The following PEX26 variants were observed in gnomAD, a reference collection of about 807,000 sequenced individuals.
The protein encoded by PEX26 is peroxisomal biogenesis factor 26, also known as peroxisome assembly protein 26.
In PEX26, 18 loss-of-function variants were observed where a neutral mutation model predicts 31.4. That is an observed-to-expected ratio of 0.57 (90% CI 0.40 to 0.85). The LOEUF is 0.85. Among genes scored for constraint, PEX26 ranks in the 40% least tolerant of loss-of-function variants. The pLI is 0.00. For missense variants in PEX26, 377 were observed against 383.9 expected (o/e 0.98, Z 0.15); for synonymous variants, 176 against 166.9 (o/e 1.05, Z -0.42).
Position 18,088,082 on chromosome 22 carries a change from C to T in PEX26, c.*7C>T. ...GCTCCGCATCCGTGACTGAGGGTCC[C>T]TGCGCACCACAGCCTCTCTGCTCCT... On this transcript the variant is annotated 3_prime_UTR_variant, in exon 5 of 5. Coordinates refer to ENST00000399744, the MANE Select transcript of PEX26 (RefSeq NM_001127649.3). This position sits in a 1 kb window ranked among gnomAD's most constrained non-coding sequence, Gnocchi z 4.1. 1 of 1,569,242 alleles carries T rather than the reference C, an allele frequency of 6.4e-7. No homozygotes were observed. Among genetic ancestry groups the T allele is most frequent in the Middle Eastern group, 1.7e-4 (1 of 5,974 alleles).
In PEX26 at chr22:18,103,607, CAGAAG is replaced by C. The variant is rs1199454007; in HGVS notation, c.*15538_*15542del. ...ACAACATCAAATTCTGTATCAGAGG[CAGAAG>C]AGAAGGACAGCATGAAGCTCGATTC... On this transcript the variant is annotated 3_prime_UTR_variant, in exon 5 of 5. Coordinates refer to ENST00000399744, the MANE Select transcript of PEX26 (RefSeq NM_001127649.3). The C allele has an allele frequency of 6.6e-6, 1 of 152,286 alleles. No homozygotes were observed. Among genetic ancestry groups the C allele is most frequent in the Non-Finnish European group, 1.5e-5 (1 of 68,110 alleles). The allele number at this position is 152,286 out of a possible 1,614,324, so 9.4% of individuals were successfully genotyped here.
chr22:18,090,302 T>C lies in PEX26; in HGVS notation c.*2227T>C, dbSNP rs946029647. 3 of 152,230 alleles carry C rather than the reference T, an allele frequency of 2.0e-5. No individual in the cohort carries two copies. Among genetic ancestry groups the C allele is most frequent in the African/African-American group, 7.2e-5 (3 of 41,462 alleles). 9.4% of individuals were successfully genotyped at this position (152,230 alleles called of 1,614,324 possible). ...TTCTTCATGGAATTGAAGGCCCCTA[T>C]GTGCTGGTTTTGGCTAAGATCTCCC... is the stretch of plus-strand genomic sequence containing the variant. On this transcript the variant is annotated 3_prime_UTR_variant, in exon 5 of 5. Coordinates refer to ENST00000399744, the MANE Select transcript of PEX26 (RefSeq NM_001127649.3).
At position 18,083,660 on chromosome 22, in the gene PEX26, A is replaced by G. The variant is rs1370763456; in HGVS notation, c.595A>G (p.Ile199Val). ...GCGGCGACTGGATGTACTTCAGGCC[A>G]TTCACACAGCGAGGCAGCAGCAGAA... ...EERRLDVLQA[I>V]HTARQQQKQE... The change falls in exon 3 of 5, where the codon ATT becomes GTT. Residue 199 changes from isoleucine to valine, a missense_variant. Transcript: ENST00000399744. 3 of 1,614,036 alleles carry G rather than the reference A, an allele frequency of 1.9e-6. No individual in the cohort carries two copies. Among genetic ancestry groups the G allele is most frequent in the Non-Finnish European group, 2.5e-6 (3 of 1,180,058 alleles).
intron 3 of PEX26, 98 bp from the exon 4 acceptor site, chr22:18,085,014 C>T: frequency 1.5e-6 from 2 of 1,344,960 alleles, no homozygotes; most frequent in African/African-American, 1.4e-5. Context: ...AGCCACTGCG[C>T]CTGGCCTGCT....
rs759221571 is a variant in PEX26 at position 18,078,463 on chromosome 22, G to A, written c.87G>A (p.Pro29=). The A allele has an allele frequency of 1.1e-5, 17 of 1,576,994 alleles. No homozygotes were observed. Among genetic ancestry groups the A allele is most frequent in the South Asian group, 2.3e-5 (2 of 88,064 alleles). ...LRSSEPVRAV[P]ARAPAVDLLE... is the part of the protein sequence containing the mutation. ...GCAGCGAGCCGGTGCGCGCGGTCCC[G>A]GCCCGGGCGCCGGCCGTGGACCTTC... The change falls in exon 1 of 5, where the codon CCG becomes CCA. Residue 29 remains proline (P), a synonymous_variant. Coordinates refer to ENST00000399744, the MANE Select transcript of PEX26 (RefSeq NM_001127649.3).
intron 4 of PEX26, among the ~76,000 whole-genome samples, chr22:18,086,836 T>C (rs903596370): frequency 6.6e-6 from 1 of 152,122 alleles, no homozygotes; most frequent in Non-Finnish European, 1.5e-5. Flanking sequence ...AGATTCTCCC[T>C]GTTTCCCCAT....
rs774876537 is a variant in PEX26 at position 18,078,563 on chromosome 22, C to G, written c.187C>G (p.Gln63Glu). 33 of 1,595,946 alleles carry G rather than the reference C, an allele frequency of 2.1e-5. No homozygotes were observed. Among genetic ancestry groups the G allele is most frequent in the Non-Finnish European group, 2.8e-5 (33 of 1,173,934 alleles). Residue 63 changes from glutamine to glutamate, a missense_variant, in exon 1 of 5, where the codon CAG becomes GAG. Physicochemically the swap from Gln to Glu is conservative, Grantham distance 29. Transcript: ENST00000399744. ...GCTGGAGACCTGCGAGCGGGCCTGG[C>G]AGAGTCTGGCCAACCACGCCGTGGC... ...AALETCERAWQSLANHAVAEE... is the reference protein window; with the variant it reads ...AALETCERAWESLANHAVAEE...
intron 2 of PEX26, among the ~76,000 whole-genome samples, chr22:18,081,845 G>T (rs1424753042): frequency 2.0e-5 from 3 of 152,154 alleles, no homozygotes; most frequent in Non-Finnish European, 4.4e-5. Flanking sequence ...GTGTGTAAGT[G>T]CTGCCTTTCT....
chr22:18,087,733 G>A (rs929473109), intron 4 of PEX26, among the ~76,000 whole-genome samples: 2 of 152,212 alleles, frequency 1.3e-5, no homozygotes, highest in Admixed American at 1.3e-4. Context: ...GATGGTGGGG[G>A]AGGAGAACCT....
At chr22:18,082,477 G>A (rs1227185550) in intron 2 of PEX26, among the ~76,000 whole-genome samples, 1 of 152,196 alleles carries the variant, frequency 6.6e-6, no homozygotes, top group Non-Finnish European at 1.5e-5. Flanking sequence ...TTTCCCCTGT[G>A]TGTGTTCTTG....
In PEX26 at chr22:18,079,997, C is replaced by G; in HGVS notation, c.354C>G (p.Pro118=). 6.2e-7 allele frequency: 1 copy of G among 1,614,166 alleles called. No individual in the cohort carries two copies. The highest frequency in any genetic ancestry group is 8.5e-7 in the Non-Finnish European group (1 of 1,180,046). ...QYYQVPEKLP[P]KVLELCILLY... is the part of the protein sequence containing the mutation. ...ACCAGGTCCCTGAAAAGCTACCCCC[C>G]AAAGTCCTGGAGCTGTGGTAAGTCT... is the stretch of plus-strand genomic sequence containing the variant. Residue 118 remains proline, a synonymous_variant, in exon 2 of 5, where the codon CCC becomes CCG. Coordinates refer to ENST00000399744, the MANE Select transcript of PEX26 (RefSeq NM_001127649.3).
Position 18,078,149 on chromosome 22 carries a change from C to A in PEX26, c.-228C>A. 2 of 687,772 alleles carry A rather than the reference C, an allele frequency of 2.9e-6. No individual in the cohort carries two copies. Among genetic ancestry groups the A allele is most frequent in the Non-Finnish European group, 5.3e-6 (2 of 375,624 alleles). 42.6% of individuals were successfully genotyped at this position (687,772 alleles called of 1,614,324 possible). ...CCAGGTATTCCAGGGATGCAAGAAT[C>A]CTGCAAATCTGACGTGTAAACTGCT... On this transcript the variant is annotated 5_prime_UTR_variant, in exon 1 of 5. Transcript: ENST00000399744.
chr22:18,100,690 A>G lies in PEX26; in HGVS notation c.*12615A>G, dbSNP rs747301359. The G allele has an allele frequency of 1.3e-5, 2 of 152,188 alleles. No homozygotes were observed. The highest frequency in any genetic ancestry group is 4.8e-5 in the African/African-American group (2 of 41,446). The allele number at this position is 152,188 out of a possible 1,614,324, so 9.4% of individuals were successfully genotyped here. On this transcript the variant is annotated 3_prime_UTR_variant, in exon 5 of 5. Transcript: ENST00000399744. ...TTTTCTGGTCAGTAATATTCTACCA[A>G]TGGTATTAATTCAAAGCAGGTAGAT...
intron 3 of PEX26, among the ~76,000 whole-genome samples, chr22:18,084,109 CA>C (rs1415071558): frequency 1.3e-5 from 2 of 152,298 alleles, no homozygotes; most frequent in South Asian, 4.1e-4. Context: ...CTGGGATAGC[CA>C]AAGGAATATC....
Position 18,088,004 on chromosome 22 carries a change from C to T in PEX26, c.847C>T (p.Leu283=). The T allele has an allele frequency of 6.2e-7, 1 of 1,613,742 alleles. No individual in the cohort carries two copies. The change falls in exon 5 of 5, where the codon CTG becomes TTG. Residue 283 remains leucine, a synonymous_variant. Coordinates refer to ENST00000399744, the MANE Select transcript of PEX26 (RefSeq NM_001127649.3). The surrounding 1 kb of genome is among the most constrained non-coding windows in gnomAD (Gnocchi z 4.1). ...TTCCTCCCTGCACTTCCTCTACAAG[C>T]TGGCCCAGCTCTTCCGCTGGATCCG... The part of the protein sequence containing the change: ...SPSSLHFLYK[L]AQLFRWIRKA...
rs361772 is a variant in PEX26 at position 18,103,092 on chromosome 22, C to CAAAAAAAAAAAAAAAA, written c.*15022_*15037dup. 2.3e-5 allele frequency: 2 copies of CAAAAAAAAAAAAAAAA among 87,724 alleles called. 1 individual carries two copies. Among genetic ancestry groups the CAAAAAAAAAAAAAAAA allele is most frequent in the Admixed American group, 3.0e-4 (2 of 6,672 alleles). The allele number at this position is 87,724 out of a possible 1,614,324, so 5.4% of individuals were successfully genotyped here. On this transcript the variant is annotated 3_prime_UTR_variant, in exon 5 of 5. Coordinates refer to ENST00000399744, the MANE Select transcript of PEX26 (RefSeq NM_001127649.3). ...TGGGCGACAGTGTGCGACTGCATCT[C>CAAAAAAAAAAAAAAAA]AAAAAAAAAAAAAAAAAAAAGGCAT...
In PEX26 at chr22:18,100,062, T is replaced by C. The variant is rs1314229445; in HGVS notation, c.*11987T>C. The C allele has an allele frequency of 6.6e-6, 1 of 152,178 alleles. No individual in the cohort carries two copies. Among genetic ancestry groups the C allele is most frequent in the Non-Finnish European group, 1.5e-5 (1 of 68,040 alleles). 9.4% of individuals were successfully genotyped at this position (152,178 alleles called of 1,614,324 possible). ...CCTTCTTATTTCTATGTTGACCTTT[T>C]CAGCTCTTTCTATTTATTGTTATTA... On this transcript the variant is annotated 3_prime_UTR_variant, in exon 5 of 5. Transcript: ENST00000399744.
At chr22:18,087,509 T>A (rs1165669384) in intron 4 of PEX26, among the ~76,000 whole-genome samples, 1 of 152,274 alleles carries the variant, frequency 6.6e-6, no homozygotes, top group African/African-American at 2.4e-5. Flanking sequence ...CTCAGTATCA[T>A]CAGCGTTCAT....
At chr22:18,081,682 ACT>A (rs1926617137) in intron 2 of PEX26, 1 of 168,296 alleles carries the variant, frequency 5.9e-6, no homozygotes, top group Non-Finnish European at 1.3e-5. Context: ...GGCAGCAAAT[ACT>A]CTCTCAGTGT....
Sources: gnomAD v4.1 joint callset for allele counts (sites outside exome capture counted in the v4.1 genomes callset) on GRCh38, gnomAD v4.1.1 for gene constraint, Gnocchi (gnomAD v3.1) non-coding constraint, MANE v1.5 for transcripts, NCBI Gene and HGNC (gene_info 2026-07-23, HGNC 2026-07-21) for gene names.